ZAP70: variants seen among roughly 807,000 people sequenced by gnomAD.
ZAP70 encodes tyrosine-protein kinase ZAP-70.
In ZAP70, 27 loss-of-function variants were observed where a neutral mutation model predicts 65.8. That is an observed-to-expected ratio of 0.41 (90% confidence interval 0.30 to 0.57). The LOEUF is 0.57. ZAP70 is among the 20% of genes least tolerant of loss of function. The pLI is 0.28. For synonymous variants in ZAP70, 363 were observed against 360.8 expected (o/e 1.01, Z -0.07); for missense variants, 696 against 870.5 (o/e 0.80, Z 2.52).
At position 97,736,492 on chromosome 2, in the gene ZAP70, G is replaced by A. The variant is rs1677890198; in HGVS notation, c.1290-981G>A. Among the ~76,000 whole-genome samples the A allele has an allele frequency of 1.3e-5, 2 of 152,212 alleles. No homozygotes were observed. Among genetic ancestry groups the A allele is most frequent in the Non-Finnish European group, 2.9e-5 (2 of 68,038 alleles). ...TGTTAGTAGCACTTGGGATTCATTA[G>A]CGAATAAACAAGGCAGAGATCCATG... On this transcript the variant is annotated intron_variant, in intron 10 of 13. Transcript: ENST00000264972. The surrounding 1 kb of genome is among the most constrained non-coding windows in gnomAD (Gnocchi z 4.0).
At chr2:97,751,928 C>T in the ZAP70 span, among the ~76,000 whole-genome samples, 1 of 152,238 alleles carries the variant, frequency 6.6e-6, no homozygotes, top group Non-Finnish European at 1.5e-5. Context: ...GCTCCATCCC[C>T]TCCACCAAGC....
chr2:97,754,617 A>G, the ZAP70 span, among the ~76,000 whole-genome samples: 3,714 of 152,154 alleles, frequency 0.024, 159 homozygotes, highest in African/African-American at 0.086. Context: ...TGGCCAGGGT[A>G]GTCTAGAACA....
the ZAP70 span, among the ~76,000 whole-genome samples, chr2:97,750,347 G>A: frequency 1.3e-5 from 2 of 152,250 alleles, no homozygotes; most frequent in African/African-American, 2.4e-5. Flanking sequence ...ATTGTAGGAT[G>A]TGGGCCTTGG....
chr2:97,716,528 T>G, intron 2 of ZAP70, among the ~76,000 whole-genome samples: 1 of 151,002 alleles, frequency 6.6e-6, no homozygotes. Context: ...GAGAGGGAGG[T>G]CAGGGAAGGC....
chr2:97,724,415 G>A lies in ZAP70; in HGVS notation c.379G>A (p.Val127Met). Residue 127 changes from valine (V) to methionine (M), a missense_variant, in exon 3 of 14, where the codon GTG (valine) becomes ATG (methionine). This residue lies in a region of ZAP70 where 551 missense variants were observed against 630.0 expected (regional missense o/e 0.87). Transcript: ENST00000264972. ...CLRDAMVRDY[V>M]RQTWKLEGEA... ...GCGAGACGCCATGGTGCGTGACTAC[G>A]TGCGCCAGACGTGGAAGCTGGAGGT... 1 of 1,538,530 alleles carries A rather than the reference G, an allele frequency of 6.5e-7. No homozygotes were observed. The highest frequency in any genetic ancestry group is 8.7e-7 in the Non-Finnish European group (1 of 1,143,612).
the ZAP70 span, among the ~76,000 whole-genome samples, chr2:97,753,924 G>A: frequency 6.6e-6 from 1 of 152,206 alleles, no homozygotes; most frequent in African/African-American, 2.4e-5. Context: ...GGAAGTTCAG[G>A]GCTGCAGTGA....
In ZAP70 at chr2:97,715,808, A is replaced by G. The variant is rs1023544791; in HGVS notation, c.-22+1814A>G. Among the ~76,000 whole-genome samples, 1 of 152,232 alleles carries G rather than the reference A, an allele frequency of 6.6e-6. No homozygotes were observed. Among genetic ancestry groups the G allele is most frequent in the Non-Finnish European group, 1.5e-5 (1 of 68,050 alleles). On this transcript the variant is annotated intron_variant, in intron 2 of 13. Transcript: ENST00000264972. This position sits in a 1 kb window ranked among gnomAD's most constrained non-coding sequence, Gnocchi z 4.1. Reference sequence around the variant, plus strand: ...AAATGTAGTTGTGGTGAGAATTAGAATAAATGGCTAATGCTCGCAAAGGGT... The same window carrying G: ...AAATGTAGTTGTGGTGAGAATTAGAGTAAATGGCTAATGCTCGCAAAGGGT...
rs56688476 is a variant in ZAP70 at position 97,731,054 on chromosome 2, C to CA, written c.564-1808dup. ...CGGGCTGTGGAGCGAGACTCGGTCT[C>CA]AAAAAAAAAAAAAAAAAAAAAGAGA... is the stretch of plus-strand genomic sequence containing the variant. On this transcript the variant is annotated intron_variant, in intron 4 of 13. Transcript: ENST00000264972. The surrounding 1 kb of genome is among the most constrained non-coding windows in gnomAD (Gnocchi z 4.0). 0.012 allele frequency among the ~76,000 whole-genome samples: 619 copies of CA among 51,792 alleles called. 12 individuals are homozygous for CA. Among genetic ancestry groups the CA allele is most frequent in the East Asian group, 0.064 (139 of 2,164 alleles). The allele number at this position is 51,792 out of a possible 152,430, so 34.0% of individuals were successfully genotyped here. A position where few individuals can be genotyped will look rare whatever the true frequency, so the allele number is the denominator to read the frequency against.
At chr2:97,725,885 T>G (rs1217339055) in intron 4 of ZAP70, among the ~76,000 whole-genome samples, 1 of 152,076 alleles carries the variant, frequency 6.6e-6, no homozygotes, top group African/African-American at 2.4e-5. Flanking sequence ...AGGAGTCTAT[T>G]TGGCGTGTTC....
In ZAP70 at chr2:97,724,150, G is replaced by C. The variant is rs762308963; in HGVS notation, c.114G>C (p.Gln38His). The C allele has an allele frequency of 2.5e-6, 4 of 1,577,566 alleles. No homozygotes were observed. The South Asian group carries it at 3.4e-5, about 13-fold the overall frequency. The change falls in exon 3 of 14, where the codon CAG becomes CAC. Residue 38 changes from glutamine (Q) to histidine (H), a missense_variant. Coordinates refer to ENST00000264972, the MANE Select transcript of ZAP70 (RefSeq NM_001079.4). The part of the protein sequence containing the change: ...GMADGLFLLR[Q>H]CLRSLGGYVL... ...CGGACGGGCTCTTCCTGCTGCGCCA[G>C]TGCCTGCGCTCGCTGGGCGGCTATG...
intron 2 of ZAP70, among the ~76,000 whole-genome samples, chr2:97,723,151 G>A (rs1047033574): frequency 4.6e-5 from 7 of 152,178 alleles, no homozygotes; most frequent in Non-Finnish European, 1.0e-4. Context: ...TCAATCACAC[G>A]TTTTGTTTAA....
chr2:97,720,168 G>C (rs889342529), intron 2 of ZAP70, among the ~76,000 whole-genome samples: 2 of 152,106 alleles, frequency 1.3e-5, no homozygotes, highest in African/African-American at 4.8e-5. Flanking sequence ...TTGTGTGAAT[G>C]TAAATTTCCA....
intron 2 of ZAP70, among the ~76,000 whole-genome samples, chr2:97,717,619 G>A (rs187119506): frequency 1.2e-4 from 19 of 152,338 alleles, no homozygotes; most frequent in African/African-American, 4.1e-4. Flanking sequence ...CTGATGCCCA[G>A]GGAATGTTCT....
At chr2:97,716,023 C>A (rs554110844) in intron 2 of ZAP70, among the ~76,000 whole-genome samples, 1 of 152,076 alleles carries the variant, frequency 6.6e-6, no homozygotes. Context: ...AGGATGGGGA[C>A]CCTGGAAGCC....
Position 97,724,159 on chromosome 2 carries a change from C to T in ZAP70, c.123C>T (p.Arg41=). 2 of 1,581,220 alleles carry T rather than the reference C, an allele frequency of 1.3e-6. No individual in the cohort carries two copies. Among genetic ancestry groups the T allele is most frequent in the South Asian group, 1.1e-5 (1 of 88,048 alleles). ...TCTTCCTGCTGCGCCAGTGCCTGCG[C>T]TCGCTGGGCGGCTATGTGCTGTCGC... The part of the protein sequence containing the change: ...DGLFLLRQCL[R]SLGGYVLSLV... Residue 41 remains arginine (R), a synonymous_variant, in exon 3 of 14, where the codon CGC becomes CGT. Coordinates refer to ENST00000264972, the MANE Select transcript of ZAP70 (RefSeq NM_001079.4).
chr2:97,747,488 T>C, the ZAP70 span, among the ~76,000 whole-genome samples: 1 of 152,304 alleles, frequency 6.6e-6, no homozygotes. Flanking sequence ...TGTGTGATTC[T>C]ATTTATATGA....
Position 97,724,202 on chromosome 2 carries a change from T to C in ZAP70, c.166T>C (p.Phe56Leu). Residue 56 changes from phenylalanine (F) to leucine (L), a missense_variant, in exon 3 of 14, where the codon TTC becomes CTC. By Grantham distance (22) the Phe-to-Leu change is conservative (BLOSUM62 0). Transcript: ENST00000264972. ...YVLSLVHDVR[F>L]HHFPIERQLN... ...GCTGTCGCTCGTGCACGATGTGCGCTTCCACCACTTTCCCATCGAGCGCCA... is the reference window on the plus strand; with the variant it reads ...GCTGTCGCTCGTGCACGATGTGCGCCTCCACCACTTTCCCATCGAGCGCCA... The C allele has an allele frequency of 6.2e-7, 1 of 1,600,062 alleles. No homozygotes were observed. Among genetic ancestry groups the C allele is most frequent in the South Asian group, 1.1e-5 (1 of 89,232 alleles).
intron 4 of ZAP70, among the ~76,000 whole-genome samples, chr2:97,732,059 G>T (rs1408809953): frequency 6.6e-6 from 1 of 152,286 alleles, no homozygotes; most frequent in East Asian, 1.9e-4. Context: ...AAGTTGGTCT[G>T]TGTTGAGGGG....
chr2:97,734,410 T>C (rs1470095128), intron 8 of ZAP70, 110 bp from the exon 9 acceptor site: 6 of 1,459,184 alleles, frequency 4.1e-6, no homozygotes, highest in Non-Finnish European at 5.4e-6. Flanking sequence ...TGCTTGTGCA[T>C]GCTCCAGGGA....
Sources: gnomAD v4.1 joint callset for allele counts (sites outside exome capture counted in the v4.1 genomes callset) on GRCh38, gnomAD v4.1.1 for gene constraint, gnomAD v4.1.1 regional missense constraint, Gnocchi (gnomAD v3.1) non-coding constraint, MANE v1.5 for transcripts, NCBI Gene and HGNC (gene_info 2026-07-23, HGNC 2026-07-21) for gene names.